Variants in AACS observed in about 807,000 individuals in gnomAD.
AACS encodes the protein acetoacetate-CoA ligase.
Under a neutral mutation model 83.1 loss-of-function variants are expected in AACS, and 69 were observed. The ratio of observed to expected loss-of-function variants is 0.83; its 90% CI spans 0.68 to 1.01. AACS has a LOEUF of 1.01. Ranked by LOEUF, AACS falls within the 50% of genes least tolerant of loss-of-function variation. The pLI is 0.00. For synonymous variants in AACS, 333 were observed against 343.4 expected (o/e 0.97, Z 0.33); for missense variants, 866 against 882.2 (o/e 0.98, Z 0.23).
chr12:125,134,349 C>T (rs1460836571), intron 15 of AACS, among the ~76,000 whole-genome samples: 1 of 152,208 alleles, frequency 6.6e-6, no homozygotes, highest in Middle Eastern at 3.2e-3. Flanking sequence ...TCTGCTCAGT[C>T]TGCAACATGG....
At chr12:125,134,347 G>A (rs1159680935) in intron 15 of AACS, among the ~76,000 whole-genome samples, 3 of 152,210 alleles carry the variant, frequency 2.0e-5, no homozygotes, top group African/African-American at 7.2e-5. Context: ...TGTCTGCTCA[G>A]TCTGCAACAT....
In AACS at chr12:125,129,381, G is replaced by A. The variant is rs776282181; in HGVS notation, c.1470G>A (p.Pro490=). 2.1e-5 allele frequency: 34 copies of A among 1,614,016 alleles called. No individual in the cohort carries two copies. The highest frequency in any genetic ancestry group is 3.3e-4 in the Middle Eastern group (2 of 6,044). ...GESGELVCTK[P]IPCQPTHFWN... is the part of the protein sequence containing the mutation. ...GCGGCGAGCTGGTGTGTACTAAGCC[G>A]ATCCCTTGCCAGCCCACACACTTCT... Residue 490 remains proline (P), a synonymous_variant, in exon 14 of 18, where the codon CCG becomes CCA. Coordinates refer to ENST00000316519, the MANE Select transcript of AACS (RefSeq NM_023928.5). The surrounding 1 kb of genome is among the most constrained non-coding windows in gnomAD (Gnocchi z 4.3).
chr12:125,111,168 C>A (rs1201461739), intron 8 of AACS, among the ~76,000 whole-genome samples: 1 of 152,076 alleles, frequency 6.6e-6, no homozygotes, highest in Non-Finnish European at 1.5e-5. Flanking sequence ...TTTATGAAAG[C>A]CAGTCGGGGT....
intron 8 of AACS, among the ~76,000 whole-genome samples, chr12:125,110,763 C>T (rs1263466950): frequency 6.6e-6 from 1 of 152,224 alleles, no homozygotes; most frequent in African/African-American, 2.4e-5. Context: ...TACAAGTTCC[C>T]TTATTCTAGC....
chr12:125,080,848 C>T (rs1050123685), intron 3 of AACS, among the ~76,000 whole-genome samples: 2 of 151,882 alleles, frequency 1.3e-5, no homozygotes, highest in East Asian at 1.9e-4. Context: ...CCCGCCACCA[C>T]GCCTGGCTAA....
intron 2 of AACS, among the ~76,000 whole-genome samples, chr12:125,075,288 A>G (rs758453490): frequency 6.9e-6 from 1 of 145,294 alleles, no homozygotes; most frequent in Non-Finnish European, 1.5e-5. Flanking sequence ...TTTTTAAACT[A>G]TTTAGAAGTT....
At chr12:125,110,487 G>A (rs997370414) in intron 8 of AACS, among the ~76,000 whole-genome samples, 21 of 152,172 alleles carry the variant, frequency 1.4e-4, no homozygotes, top group African/African-American at 3.6e-4. Context: ...CTCCTGGGCC[G>A]GTCTGTGGGA....
At chr12:125,072,959 G>A (rs892226631) in intron 1 of AACS, among the ~76,000 whole-genome samples, 13 of 115,986 alleles carry the variant, frequency 1.1e-4, no homozygotes, top group African/African-American at 3.5e-4. Flanking sequence ...ATGGAGTTTC[G>A]CTCTGTTGCC....
chr12:125,084,703 C>T (rs536849657), intron 3 of AACS, among the ~76,000 whole-genome samples: 9 of 152,042 alleles, frequency 5.9e-5, no homozygotes, highest in Admixed American at 3.3e-4. Flanking sequence ...TTCAGTATCC[C>T]GAGTAGATAG....
In AACS at chr12:125,097,334, C is replaced by G. The variant is rs1019935887; in HGVS notation, c.571-5345C>G. Among the ~76,000 whole-genome samples the G allele has an allele frequency of 1.3e-5, 2 of 151,838 alleles. No individual in the cohort carries two copies. The highest frequency in any genetic ancestry group is 4.8e-5 in the African/African-American group (2 of 41,308). On this transcript the variant is annotated intron_variant, in intron 5 of 17. Transcript: ENST00000316519. This position sits in a 1 kb window ranked among gnomAD's most constrained non-coding sequence, Gnocchi z 4.3. Reference sequence around the variant, plus strand: ...GGAGGAGGGAGGAGGTGGACGGTGACCGAAGGCCTGATGTCCTGAGGCCAG... The same window carrying G: ...GGAGGAGGGAGGAGGTGGACGGTGAGCGAAGGCCTGATGTCCTGAGGCCAG...
intron 15 of AACS, among the ~76,000 whole-genome samples, chr12:125,134,587 G>T (rs1255030582): frequency 2.0e-5 from 3 of 152,200 alleles, no homozygotes; most frequent in African/African-American, 7.2e-5. Context: ...TGAGGTGACA[G>T]ATGTTCCTGC....
intron 3 of AACS, among the ~76,000 whole-genome samples, chr12:125,085,104 T>C (rs1956300492): frequency 6.6e-6 from 1 of 152,184 alleles, no homozygotes; most frequent in Admixed American, 6.5e-5. Flanking sequence ...CAGGGATGAC[T>C]ATAAAGGGGC....
intron 9 of AACS, among the ~76,000 whole-genome samples, chr12:125,115,257 T>C (rs1957034317): frequency 6.7e-6 from 1 of 149,520 alleles, no homozygotes; most frequent in Non-Finnish European, 1.5e-5. Flanking sequence ...GCTTCTGTGC[T>C]GAGTTTTTTT....
chr12:125,065,449 C>A lies in AACS; in HGVS notation c.-136C>A, dbSNP rs966669998. 3 of 982,808 alleles carry A rather than the reference C, an allele frequency of 3.1e-6. No individual in the cohort carries two copies. The African/African-American group carries it at 5.2e-5, about 17-fold the overall frequency. 60.9% of individuals were successfully genotyped at this position (982,808 alleles called of 1,614,324 possible). A position where few individuals can be genotyped will look rare whatever the true frequency, so the allele number is the denominator to read the frequency against. On this transcript the variant is annotated 5_prime_UTR_variant, in exon 1 of 18. Coordinates refer to ENST00000316519, the MANE Select transcript of AACS (RefSeq NM_023928.5). ...GGCGGCCGTTCAGTCCCTTGTTCCC[C>A]GCCGCCGCCGTCGCTGACCCAGCCC...
At chr12:125,078,735 C>T (rs1190026113) in intron 3 of AACS, among the ~76,000 whole-genome samples, 3 of 147,058 alleles carry the variant, frequency 2.0e-5, no homozygotes. Flanking sequence ...GCAGGAGAAT[C>T]GCTTGAACCC....
chr12:125,067,089 C>G (rs1331723178), intron 1 of AACS, among the ~76,000 whole-genome samples: 1 of 152,186 alleles, frequency 6.6e-6, no homozygotes, highest in Non-Finnish European at 1.5e-5. Flanking sequence ...CTCAGAAGTT[C>G]TCAGTGGTTC....
intron 5 of AACS, among the ~76,000 whole-genome samples, chr12:125,098,406 TC>T: frequency 7.0e-6 from 1 of 142,648 alleles, no homozygotes; most frequent in Non-Finnish European, 1.5e-5. Flanking sequence ...AAAAAAAAAA[TC>T]CTTCAGTGAC....
At chr12:125,093,330 G>T (rs563771126) in intron 5 of AACS, among the ~76,000 whole-genome samples, 5 of 152,230 alleles carry the variant, frequency 3.3e-5, no homozygotes, top group Non-Finnish European at 5.9e-5. Context: ...AGGCCAGGGG[G>T]TGGAGAGAGG....
chr12:125,071,603 C>T (rs1411668336), intron 1 of AACS, among the ~76,000 whole-genome samples: 3 of 152,144 alleles, frequency 2.0e-5, no homozygotes, highest in South Asian at 2.1e-4. Flanking sequence ...CCTGGGCTTG[C>T]GGTTGCAGCG....
Sources: allele counts gnomAD v4.1 joint callset (sites outside exome capture counted in the v4.1 genomes callset), GRCh38; gene constraint gnomAD v4.1.1; non-coding constraint Gnocchi (gnomAD v3.1); transcripts MANE v1.5; gene names NCBI Gene and HGNC (gene_info 2026-07-23, HGNC 2026-07-21).